Variants in ANKRD30B observed in about 807,000 individuals in gnomAD.
The protein encoded by ANKRD30B is ankyrin repeat domain-containing protein 30B.
ANKRD30B carries 144 observed loss-of-function variants against 202.2 expected under a neutral mutation model. That is an observed-to-expected ratio of 0.71 (90% CI 0.62 to 0.82). The LOEUF (loss-of-function observed/expected upper bound fraction) is 0.82. ANKRD30B is among the 40% of genes least tolerant of loss of function. The pLI is 0.00. For synonymous variants in ANKRD30B, 508 were observed against 561.3 expected (o/e 0.91, Z 1.34); for missense variants, 1,487 against 1,669.1 (o/e 0.89, Z 1.90).
intron 11 of ANKRD30B, among the ~76,000 whole-genome samples, chr18:14,780,712 T>C (rs1967673279): frequency 6.6e-6 from 1 of 152,302 alleles, no homozygotes; most frequent in African/African-American, 2.4e-5. Flanking sequence ...AAAAACAGTT[T>C]AAGCTGCAGT....
downstream of ANKRD30B, among the ~76,000 whole-genome samples, chr18:14,855,151 A>G (rs572319140): frequency 6.4e-4 from 97 of 152,300 alleles, 1 homozygote; most frequent in Non-Finnish European, 2.1e-4. Context: ...AACAAAGCCC[A>G]TCTTGCACCG....
the ANKRD30B span, among the ~76,000 whole-genome samples, chr18:14,922,472 G>A: frequency 2.2e-4 from 33 of 151,716 alleles, no homozygotes; most frequent in Non-Finnish European, 4.0e-4. Flanking sequence ...TGGCTAACAC[G>A]GTGAAACCCC....
intron 6 of ANKRD30B, among the ~76,000 whole-genome samples, 161 bp downstream of exon 6, chr18:14,760,779 T>G (rs181410808): frequency 6.5e-4 from 98 of 151,756 alleles, no homozygotes; most frequent in Non-Finnish European, 1.2e-3. Flanking sequence ...TACATAGCTT[T>G]GATTTATTTT....
the ANKRD30B span, among the ~76,000 whole-genome samples, chr18:14,931,640 C>T: frequency 2.6e-5 from 4 of 152,078 alleles, no homozygotes; most frequent in South Asian, 2.1e-4. Flanking sequence ...GTGCTCCCTG[C>T]GCATGGAACA....
At chr18:14,806,524 T>C (rs867344792) in intron 24 of ANKRD30B, among the ~76,000 whole-genome samples, 1 of 150,608 alleles carries the variant, frequency 6.6e-6, no homozygotes, top group South Asian at 2.1e-4. Flanking sequence ...GAAAGTAATT[T>C]AAAAAAATAA....
chr18:14,766,493 A>AAAAAAAAAAAGAAAAG (rs1567989711), intron 7 of ANKRD30B, among the ~76,000 whole-genome samples: 1 of 85,000 alleles, frequency 1.2e-5, no homozygotes, highest in East Asian at 2.9e-4. Context: ...AAAAAAAAAA[A>AAAAAAAAAAAGAAAAG]AAAAGAAAAG....
chr18:14,898,409 C>T, the ANKRD30B span, among the ~76,000 whole-genome samples: 2 of 152,038 alleles, frequency 1.3e-5, no homozygotes, highest in Non-Finnish European at 1.5e-5. Flanking sequence ...ATAGGGTTCA[C>T]GCCCCTATGA....
chr18:14,935,739 G>A, the ANKRD30B span, among the ~76,000 whole-genome samples: 9 of 152,214 alleles, frequency 5.9e-5, no homozygotes, highest in African/African-American at 9.6e-5. Context: ...ACGTGTATGT[G>A]TGCATCTGTA....
chr18:14,821,399 C>G (rs1970414656), intron 30 of ANKRD30B, among the ~76,000 whole-genome samples: 1 of 152,062 alleles, frequency 6.6e-6, no homozygotes, highest in Admixed American at 6.6e-5. Flanking sequence ...TTCTTGCCTT[C>G]TACTAGCTTT....
At chr18:14,815,677 T>C (rs1275816539) in intron 30 of ANKRD30B, among the ~76,000 whole-genome samples, 2 of 152,210 alleles carry the variant, frequency 1.3e-5, no homozygotes, top group Non-Finnish European at 1.5e-5. Context: ...AATTTATTGC[T>C]TGAATACCTA....
chr18:14,773,900 C>T (rs371948661), intron 9 of ANKRD30B, among the ~76,000 whole-genome samples: 1 of 152,074 alleles, frequency 6.6e-6, no homozygotes, highest in African/African-American at 2.4e-5. Context: ...ATGATCCGCC[C>T]GCCTTGGCCT....
intron 30 of ANKRD30B, among the ~76,000 whole-genome samples, chr18:14,819,611 A>G (rs1304299577): frequency 6.6e-6 from 1 of 152,098 alleles, no homozygotes; most frequent in Admixed American, 6.6e-5. Flanking sequence ...ACCATTTATT[A>G]AATAGGGAAT....
the ANKRD30B span, among the ~76,000 whole-genome samples, chr18:14,898,817 A>G: frequency 5.3e-5 from 8 of 152,302 alleles, no homozygotes; most frequent in Admixed American, 2.6e-4. Context: ...GAATAAATCA[A>G]TACCATTTCC....
At position 14,822,468 on chromosome 18, in the gene ANKRD30B, T is replaced by A. The variant is rs1970470179; in HGVS notation, c.2642-15T>A. ...GCTTGCGTATAATCAATTATATATG[T>A]CCCTTTTCTTTTAGAGTCTCCTGAT... On this transcript the variant is annotated splice_polypyrimidine_tract_variant and intron_variant, in intron 30 of 43. Transcript: ENST00000690538. 7.7e-7 allele frequency: 1 copy of A among 1,294,444 alleles called. No homozygotes were observed. The highest frequency in any genetic ancestry group is 1.8e-5 in the Admixed American group (1 of 57,030). 80.2% of individuals were successfully genotyped at this position (1,294,444 alleles called of 1,614,324 possible).
At chr18:14,863,947 TTAAC>T in the ANKRD30B span, among the ~76,000 whole-genome samples, 2 of 151,562 alleles carry the variant, frequency 1.3e-5, no homozygotes, top group East Asian at 3.9e-4. Flanking sequence ...CAAGGACTAT[TTAAC>T]ATATGCAAAT....
chr18:14,866,226 A>C, the ANKRD30B span, among the ~76,000 whole-genome samples: 1 of 152,242 alleles, frequency 6.6e-6, no homozygotes. Context: ...CCCGGCTTAG[A>C]GGACCAGGAG....
chr18:14,916,599 A>G, the ANKRD30B span, among the ~76,000 whole-genome samples: 1 of 152,222 alleles, frequency 6.6e-6, no homozygotes, highest in Non-Finnish European at 1.5e-5. Context: ...GAGAGAGTGT[A>G]TGTGTGTGGT....
chr18:14,795,594 T>G (rs1401074836), intron 16 of ANKRD30B, among the ~76,000 whole-genome samples: 1 of 152,210 alleles, frequency 6.6e-6, no homozygotes, highest in Non-Finnish European at 1.5e-5. Flanking sequence ...AATGTAAAAA[T>G]ACTCCTATTT....
downstream of ANKRD30B, among the ~76,000 whole-genome samples, chr18:14,858,154 TG>T (rs1972133401): frequency 1.2e-5 from 1 of 85,284 alleles, no homozygotes; most frequent in African/African-American, 6.3e-5. Flanking sequence ...TCCCAGATGA[TG>T]GGCAGCCAGG....
Sources: gnomAD v4.1 joint callset for allele counts (sites outside exome capture counted in the v4.1 genomes callset) on GRCh38, gnomAD v4.1.1 for gene constraint, MANE v1.5 for transcripts, NCBI Gene and HGNC (gene_info 2026-07-23, HGNC 2026-07-21) for gene names.